Variants in ASB15 observed in about 807,000 individuals in gnomAD.
ASB15 encodes ankyrin repeat and SOCS box containing 15, also known as ankyrin repeat and SOCS box protein 15.
In ASB15, 54 loss-of-function variants were observed where a neutral mutation model predicts 58.0. The ratio of observed to expected loss-of-function variants is 0.93; its 90% CI spans 0.75 to 1.17. The LOEUF is 1.17. Among genes scored for constraint, ASB15 ranks in the 50% most tolerant of loss-of-function variants. The pLI, the probability that ASB15 is intolerant of heterozygous loss-of-function variation, is 0.00. For synonymous variants in ASB15, 249 were observed against 262.4 expected, an observed-to-expected ratio of 0.95 and a Z score of 0.50; for missense variants, 680 against 707.4, an observed-to-expected ratio of 0.96 and a Z score of 0.44.
chr7:123,624,846 T>C (rs1562937166), intron 8 of ASB15, 32 bp downstream of exon 8: 2 of 1,595,988 alleles, frequency 1.3e-6, no homozygotes, highest in South Asian at 1.1e-5. Flanking sequence ...TTCCTGACTT[T>C]TGTCCTGCCT....
At chr7:123,598,034 G>A (rs1799755021), upstream of ASB15, among the ~76,000 whole-genome samples, 1 of 150,070 alleles carries the variant, frequency 6.7e-6, no homozygotes, top group Non-Finnish European at 1.5e-5. Flanking sequence ...CTATACAATG[G>A]TAAGCTTTTG....
intron 1 of ASB15, among the ~76,000 whole-genome samples, chr7:123,582,392 A>G (rs1799261782): frequency 6.6e-6 from 1 of 152,012 alleles, no homozygotes. Context: ...CACCCCAAAG[A>G]GAAAGCCTTT....
intron 1 of ASB15, among the ~76,000 whole-genome samples, chr7:123,572,912 T>G (rs963932774): frequency 3.3e-5 from 5 of 152,130 alleles, no homozygotes; most frequent in African/African-American, 1.2e-4. Flanking sequence ...TTTTTCTTTT[T>G]TCTCTTTTTT....
intron 8 of ASB15, among the ~76,000 whole-genome samples, chr7:123,625,377 C>T (rs766671039): frequency 6.6e-6 from 1 of 152,146 alleles, no homozygotes; most frequent in African/African-American, 2.4e-5. Flanking sequence ...GTACATACTG[C>T]AACTTGGCTC....
At chr7:123,616,592 A>C in intron 6 of ASB15, 97 bp downstream of exon 6, 2 of 1,285,284 alleles carry the variant, frequency 1.6e-6, no homozygotes. Context: ...GCAGAAAGAA[A>C]AGGCAGATTA....
chr7:123,611,542 C>G (rs1435115860), intron 3 of ASB15, among the ~76,000 whole-genome samples: 1 of 152,116 alleles, frequency 6.6e-6, no homozygotes, highest in Admixed American at 6.5e-5. Context: ...GTGACCCACC[C>G]GCCTTGGCCT....
At chr7:123,618,901 C>T (rs567541847) in intron 7 of ASB15, among the ~76,000 whole-genome samples, 5 of 152,068 alleles carry the variant, frequency 3.3e-5, no homozygotes, top group Middle Eastern at 3.4e-3. Context: ...ATTGGCCAGG[C>T]GCGGTGGCTC....
At chr7:123,607,071 T>C (rs1800180746) in intron 2 of ASB15, among the ~76,000 whole-genome samples, 1 of 152,222 alleles carries the variant, frequency 6.6e-6, no homozygotes. Flanking sequence ...AGATAAACTA[T>C]GTGCCAGAAT....
intron 1 of ASB15, among the ~76,000 whole-genome samples, chr7:123,579,544 A>G (rs922359334): frequency 6.6e-6 from 1 of 152,074 alleles, no homozygotes; most frequent in African/African-American, 2.4e-5. Flanking sequence ...TCTCTCTATT[A>G]TCTGCCCCAC....
At chr7:123,627,789 A>C (rs372124329) in intron 9 of ASB15, among the ~76,000 whole-genome samples, 134 of 152,360 alleles carry the variant, frequency 8.8e-4, no homozygotes, top group African/African-American at 3.1e-3. Flanking sequence ...ATAGATTCTT[A>C]AATCACAAAA....
Position 123,616,505 on chromosome 7 carries a change from C to T in ASB15, c.292+10C>T, listed in dbSNP as rs201900722. The T allele has an allele frequency of 1.2e-5, 20 of 1,610,258 alleles. No individual in the cohort carries two copies. Among genetic ancestry groups the T allele is most frequent in the Middle Eastern group, 1.8e-4 (1 of 5,710 alleles). On this transcript the variant is annotated intron_variant, in intron 6 of 11. Transcript: ENST00000451215. ...GAGATTGTTCTGGATGGTAAGAGAA[C>T]ATAAAACATGTTTGACCAAGCCAGA...
chr7:123,585,612 C>A (rs1799354894), intron 1 of ASB15, among the ~76,000 whole-genome samples: 1 of 150,568 alleles, frequency 6.6e-6, no homozygotes, highest in South Asian at 2.1e-4. Context: ...ATTAACATAT[C>A]CATCACCTTA....
chr7:123,614,129 T>C, intron 3 of ASB15: 1 of 174,620 alleles, frequency 5.7e-6, no homozygotes, highest in Non-Finnish European at 1.2e-5. Flanking sequence ...ATTTTTAAGC[T>C]TTTAATATGT....
At chr7:123,604,664 G>T (rs773296101) in intron 2 of ASB15, among the ~76,000 whole-genome samples, 2 of 151,968 alleles carry the variant, frequency 1.3e-5, no homozygotes, top group Non-Finnish European at 2.9e-5. Context: ...TCAAACTGAG[G>T]CTACCAATTA....
chr7:123,589,562 T>C (rs1354781996), intron 1 of ASB15, among the ~76,000 whole-genome samples: 12 of 152,010 alleles, frequency 7.9e-5, no homozygotes, highest in African/African-American at 2.4e-4. Flanking sequence ...TGAGTGAGAA[T>C]ATGCTGTGTT....
rs1319314245 is a variant in ASB15 at position 123,638,442 on chromosome 7, T to C, written c.*1461T>C. The C allele has an allele frequency of 1.3e-5, 2 of 152,022 alleles. No individual in the cohort carries two copies. The highest frequency in any genetic ancestry group is 2.4e-5 in the African/African-American group (1 of 41,392). 9.4% of individuals were successfully genotyped at this position (152,022 alleles called of 1,614,324 possible). A position where few individuals can be genotyped will look rare whatever the true frequency, so the allele number is the denominator to read the frequency against. On this transcript the variant is annotated 3_prime_UTR_variant, in exon 12 of 12. Coordinates refer to ENST00000451215, the MANE Select transcript of ASB15 (RefSeq NM_001290258.2). ...TATTGTGTTTATTTTTCAAAAAGAGTCATTAAAAAATACCATCTACTATCA... is the reference window on the plus strand; with the variant it reads ...TATTGTGTTTATTTTTCAAAAAGAGCCATTAAAAAATACCATCTACTATCA...
chr7:123,588,862 T>C (rs371129376), intron 1 of ASB15, among the ~76,000 whole-genome samples: 20 of 151,960 alleles, frequency 1.3e-4, no homozygotes, highest in African/African-American at 4.8e-4. Flanking sequence ...AATCTTCACA[T>C]ATTTTTTAAT....
chr7:123,617,470 C>A, intron 6 of ASB15, 109 bp from the exon 7 acceptor site: 1 of 980,486 alleles, frequency 1.0e-6, no homozygotes, highest in Middle Eastern at 3.1e-4. Flanking sequence ...TCATTTTCAT[C>A]AATTGACTTT....
intron 1 of ASB15, among the ~76,000 whole-genome samples, chr7:123,568,667 A>T (rs753871752): frequency 1.6e-4 from 25 of 152,206 alleles, no homozygotes; most frequent in Non-Finnish European, 3.5e-4. Context: ...CAAGAAAGAA[A>T]ATAAGTGATG....
Sources: allele counts gnomAD v4.1 joint callset (sites outside exome capture counted in the v4.1 genomes callset), GRCh38; gene constraint gnomAD v4.1.1; transcripts MANE v1.5; gene names NCBI Gene and HGNC (gene_info 2026-07-23, HGNC 2026-07-21).